Variants in IGSF21 observed in about 807,000 individuals in gnomAD.
IGSF21 encodes immunoglobin superfamily member 21, also known as immunoglobulin superfamily member 21.
A neutral mutation model predicts 46.8 loss-of-function variants in IGSF21; 28 were observed. That is an observed-to-expected ratio of 0.60 (90% CI 0.44 to 0.82). IGSF21 has a LOEUF of 0.82. IGSF21 is among the 40% of genes least tolerant of loss of function. The pLI, the probability that IGSF21 is intolerant of heterozygous loss-of-function variation, is 0.00. For synonymous variants in IGSF21, 284 were observed against 273.6 expected, an observed-to-expected ratio of 1.04 and a Z score of -0.38; for missense variants, 624 against 665.5, an observed-to-expected ratio of 0.94 and a Z score of 0.69.
chr1:18,258,982 C>T (rs1056202642), intron 2 of IGSF21, among the ~76,000 whole-genome samples: 4 of 152,164 alleles, frequency 2.6e-5, no homozygotes, highest in Admixed American at 6.5e-5. Flanking sequence ...GCCCTTTTTT[C>T]CCTCTCTCTC....
At chr1:18,197,303 G>A (rs1319674326) in intron 1 of IGSF21, among the ~76,000 whole-genome samples, 2 of 152,158 alleles carry the variant, frequency 1.3e-5, no homozygotes, top group African/African-American at 4.8e-5. Flanking sequence ...AGCCTGTGGG[G>A]TGTCTGGACC....
intron 1 of IGSF21, among the ~76,000 whole-genome samples, chr1:18,148,566 A>T (rs2086491701): frequency 6.6e-6 from 1 of 152,186 alleles, no homozygotes; most frequent in Non-Finnish European, 1.5e-5. Flanking sequence ...GTCCAGCTTC[A>T]GCGTCTAGAC....
intron 1 of IGSF21, among the ~76,000 whole-genome samples, chr1:18,154,581 AAGGAGGCCCAGGGCAGGGCTGGGTG>A (rs972002834): frequency 2.7e-5 from 4 of 148,192 alleles, no homozygotes; most frequent in African/African-American, 4.9e-5. Context: ...CATCCCAGGC[AAGGAGGCCCAGGGCAGGGCTGGGTG>A]AGGAGGCCCT....
At chr1:18,356,921 G>A (rs1197596276) in intron 4 of IGSF21, among the ~76,000 whole-genome samples, 1 of 151,868 alleles carries the variant, frequency 6.6e-6, no homozygotes, top group East Asian at 1.9e-4. Flanking sequence ...AGAGAATAGG[G>A]GATGGAGATT....
intron 5 of IGSF21, among the ~76,000 whole-genome samples, chr1:18,363,246 G>A (rs1233093230): frequency 6.6e-6 from 1 of 152,166 alleles, no homozygotes; most frequent in African/African-American, 2.4e-5. Flanking sequence ...AGCAAGGTGT[G>A]GAGCTAGAGC....
intron 3 of IGSF21, among the ~76,000 whole-genome samples, chr1:18,298,962 G>A (rs2085336561): frequency 6.6e-6 from 1 of 152,224 alleles, no homozygotes; most frequent in South Asian, 2.1e-4. Flanking sequence ...AAGAGAGAAA[G>A]GGGAGATAAA....
chr1:18,215,041 G>C (rs367899196), intron 1 of IGSF21, among the ~76,000 whole-genome samples: 2 of 152,140 alleles, frequency 1.3e-5, no homozygotes, highest in African/African-American at 4.8e-5. Flanking sequence ...CGCCTGGCCA[G>C]TACCACACTT....
At chr1:18,169,040 T>G (rs373781230) in intron 1 of IGSF21, among the ~76,000 whole-genome samples, 63 of 152,342 alleles carry the variant, frequency 4.1e-4, no homozygotes, top group African/African-American at 1.4e-3. Flanking sequence ...AACCTGTGGC[T>G]GCTCGCCTGC....
rs76434148 is a variant in IGSF21, at chr1:18,180,279, G to T, written c.71-47619G>T. Among the ~76,000 whole-genome samples the T allele has an allele frequency of 4.3e-3, 656 of 152,322 alleles. 6 individuals are homozygous for T. Among genetic ancestry groups the T allele is most frequent in the African/African-American group, 0.015 (621 of 41,564 alleles). ...TTGTGCACTTAGCATCTAGAATAGT[G>T]CCTGCCATGCAGGGTGCTCAAAAAA... On this transcript the variant is annotated intron_variant, in intron 1 of 9. Coordinates refer to ENST00000251296, the MANE Select transcript of IGSF21 (RefSeq NM_032880.5).
At chr1:18,137,285 A>G (rs749438735) in intron 1 of IGSF21, among the ~76,000 whole-genome samples, 3 of 152,160 alleles carry the variant, frequency 2.0e-5, no homozygotes, top group Non-Finnish European at 4.4e-5. Flanking sequence ...GATGGTGTTA[A>G]ATCATTCATG....
intron 1 of IGSF21, among the ~76,000 whole-genome samples, chr1:18,211,411 A>G (rs2084390117): frequency 1.3e-5 from 2 of 152,360 alleles, no homozygotes; most frequent in East Asian, 1.9e-4. Context: ...ATGTCTTAAG[A>G]CAATAGGTTC....
chr1:18,334,808 TG>T lies in IGSF21; in HGVS notation c.306-81del. 1 of 942,504 alleles carries T rather than the reference TG, an allele frequency of 1.1e-6. No homozygotes were observed. The highest frequency in any genetic ancestry group is 1.7e-6 in the Non-Finnish European group (1 of 578,988). 58.4% of individuals were successfully genotyped at this position (942,504 alleles called of 1,614,324 possible). On this transcript the variant is annotated intron_variant, in intron 3 of 9. Transcript: ENST00000251296. This position sits in a 1 kb window ranked among gnomAD's most constrained non-coding sequence, Gnocchi z 4.3. ...TGTTTGTTAGTGGAGGCTGCACCAG[TG>T]GGCATCAGGATGAGTTTCCTTGAAC...
chr1:18,173,997 G>T (rs183833331), intron 1 of IGSF21, among the ~76,000 whole-genome samples: 1 of 152,282 alleles, frequency 6.6e-6, no homozygotes, highest in Non-Finnish European at 1.5e-5. Flanking sequence ...CGGGTGATTT[G>T]CCCTCCTCGG....
Position 18,376,410 on chromosome 1 carries a change from G to A in IGSF21, c.1101+15G>A, listed in dbSNP as rs764441714. The A allele has an allele frequency of 5.0e-6, 8 of 1,589,412 alleles. No homozygotes were observed. Among genetic ancestry groups the A allele is most frequent in the Non-Finnish European group, 6.9e-6 (8 of 1,157,868 alleles). On this transcript the variant is annotated intron_variant, in intron 7 of 9. Coordinates refer to ENST00000251296, the MANE Select transcript of IGSF21 (RefSeq NM_032880.5). ...ATGGGTTTCAGGTCAGCCTCTCTCT[G>A]AGCATCTGGGAGGGTGGTGGGAGGT...
At chr1:18,356,565 G>A (rs1291583137) in intron 4 of IGSF21, among the ~76,000 whole-genome samples, 1 of 152,208 alleles carries the variant, frequency 6.6e-6, no homozygotes, top group Middle Eastern at 3.2e-3. Flanking sequence ...GGCCCAGGAA[G>A]TCATGTAGAG....
At position 18,298,033 on chromosome 1, in the gene IGSF21, T is replaced by C. The variant is rs2085328065; in HGVS notation, c.305+6046T>C. Reference sequence around the variant, plus strand: ...AGTATAAGAAGCCAGCCAGGCAAGGTTGGGGCTTGGGAGGGCACTCCAGGT... The same window carrying C: ...AGTATAAGAAGCCAGCCAGGCAAGGCTGGGGCTTGGGAGGGCACTCCAGGT... On this transcript the variant is annotated intron_variant, in intron 3 of 9. Coordinates refer to ENST00000251296, the MANE Select transcript of IGSF21 (RefSeq NM_032880.5). Among the ~76,000 whole-genome samples the C allele has an allele frequency of 2.0e-5, 3 of 152,090 alleles. No homozygotes were observed. In the East Asian group the frequency reaches 5.8e-4, roughly 29 times the overall value.
chr1:18,367,484 C>T (rs1167767806), intron 6 of IGSF21, among the ~76,000 whole-genome samples: 1 of 151,970 alleles, frequency 6.6e-6, no homozygotes, highest in Non-Finnish European at 1.5e-5. Flanking sequence ...GTGCCTTCTT[C>T]ACTCACTACC....
rs1169969586 is a variant in IGSF21 at position 18,334,088 on chromosome 1, T to A, written c.306-804T>A. Among the ~76,000 whole-genome samples the A allele has an allele frequency of 5.9e-5, 9 of 152,348 alleles. No homozygotes were observed. On this transcript the variant is annotated intron_variant, in intron 3 of 9. Transcript: ENST00000251296. This position sits in a 1 kb window ranked among gnomAD's most constrained non-coding sequence, Gnocchi z 4.3. ...GCAAGAAAGCCTAAAATATTTACTC[T>A]CTGGACTTTTAGGAGAAAAGACTGA... is the stretch of plus-strand genomic sequence containing the variant.
chr1:18,142,734 T>TG (rs1355388365), intron 1 of IGSF21, among the ~76,000 whole-genome samples: 6 of 152,316 alleles, frequency 3.9e-5, no homozygotes, highest in Non-Finnish European at 7.4e-5. Flanking sequence ...ATATGCAAAT[T>TG]GGGGGGCTGA....
Sources: gnomAD v4.1 joint callset for allele counts (sites outside exome capture counted in the v4.1 genomes callset) on GRCh38, gnomAD v4.1.1 for gene constraint, Gnocchi (gnomAD v3.1) non-coding constraint, MANE v1.5 for transcripts, NCBI Gene and HGNC (gene_info 2026-07-23, HGNC 2026-07-21) for gene names.